The following SLC35F1 variants were observed in gnomAD, a reference collection of about 807,000 sequenced individuals.
SLC35F1 encodes the protein solute carrier family 35 member F1, also known as chromosome 6 open reading frame 169.
In SLC35F1, 14 loss-of-function variants were observed where a neutral mutation model predicts 48.7. The observed-to-expected ratio is 0.29, with a 90% confidence interval of 0.19 to 0.45. The LOEUF is 0.45. Among genes scored for constraint, SLC35F1 ranks in the 20% least tolerant of loss-of-function variants. SLC35F1 has a pLI of 1.00. For missense variants in SLC35F1, 404 were observed against 500.0 expected (o/e 0.81, Z 1.83); for synonymous variants, 190 against 202.2 (o/e 0.94, Z 0.51).
intron 7 of SLC35F1, among the ~76,000 whole-genome samples, chr6:118,306,629 A>G (rs1776314893): frequency 6.6e-6 from 1 of 152,230 alleles, no homozygotes; most frequent in Admixed American, 6.5e-5. Flanking sequence ...GGAAGGTGAC[A>G]TAAATGAGCC....
At chr6:118,309,194 TGTGTGTGTGC>T (rs1044309710) in intron 7 of SLC35F1, among the ~76,000 whole-genome samples, 4 of 102,256 alleles carry the variant, frequency 3.9e-5, no homozygotes, top group African/African-American at 6.7e-5. Flanking sequence ...TGTGTGTGTG[TGTGTGTGTGC>T]GTGTGTGTAT....
chr6:118,111,777 T>C (rs913626956), intron 1 of SLC35F1, among the ~76,000 whole-genome samples: 4 of 152,200 alleles, frequency 2.6e-5, no homozygotes, highest in African/African-American at 9.6e-5. Context: ...TTATGAATAA[T>C]TGAAATGAAT....
At chr6:118,230,588 A>G (rs756101703) in intron 2 of SLC35F1, among the ~76,000 whole-genome samples, 4 of 152,226 alleles carry the variant, frequency 2.6e-5, no homozygotes, top group Non-Finnish European at 5.9e-5. Flanking sequence ...AAACCTTCAC[A>G]TAAAATTTAA....
chr6:118,062,387 C>T (rs980676928), intron 1 of SLC35F1, among the ~76,000 whole-genome samples: 11 of 152,014 alleles, frequency 7.2e-5, no homozygotes, highest in African/African-American at 2.7e-4. Context: ...TTTGTGGCTA[C>T]ATAGTAGGTA....
chr6:118,051,928 C>T (rs925418998), intron 1 of SLC35F1, among the ~76,000 whole-genome samples: 1 of 152,118 alleles, frequency 6.6e-6, no homozygotes, highest in Non-Finnish European at 1.5e-5. Context: ...TGCATGGCCT[C>T]AATACCTTCC....
rs534874981 is a variant in SLC35F1 at position 118,038,122 on chromosome 6, TA to T, written c.174-116322del. On this transcript the variant is annotated intron_variant, in intron 1 of 7. Coordinates refer to ENST00000360388, the MANE Select transcript of SLC35F1 (RefSeq NM_001029858.4). ...AAGCCCTTCTGCTATCTTTTTATAT[TA>T]TGGTTGTCATATGAGTTATATCTAC... Among the ~76,000 whole-genome samples, 16 of 152,260 alleles carry T rather than the reference TA, an allele frequency of 1.1e-4. 1 individual carries two copies. The highest frequency in any genetic ancestry group is 4.1e-4 in the South Asian group (2 of 4,820).
chr6:118,186,824 T>A (rs1774663043), intron 2 of SLC35F1, among the ~76,000 whole-genome samples: 1 of 152,166 alleles, frequency 6.6e-6, no homozygotes. Flanking sequence ...AGGTACAGCT[T>A]TTCCTGTCTG....
intron 2 of SLC35F1, among the ~76,000 whole-genome samples, chr6:118,221,126 C>T (rs1273578940): frequency 2.0e-5 from 3 of 152,096 alleles, no homozygotes; most frequent in Non-Finnish European, 4.4e-5. Flanking sequence ...TTATTATCTA[C>T]CTAACTGAAG....
At chr6:117,944,340 T>C (rs1165043644) in intron 1 of SLC35F1, among the ~76,000 whole-genome samples, 1 of 151,812 alleles carries the variant, frequency 6.6e-6, no homozygotes, top group African/African-American at 2.4e-5. Context: ...GGAAGAATCA[T>C]CTCAGAGATC....
intron 1 of SLC35F1, among the ~76,000 whole-genome samples, chr6:118,066,348 G>A (rs964703407): frequency 1.3e-5 from 2 of 152,118 alleles, no homozygotes; most frequent in Non-Finnish European, 2.9e-5. Flanking sequence ...TGCTTTAAAT[G>A]CAAGTGGCAA....
chr6:118,146,149 T>C (rs1033635058), intron 1 of SLC35F1, among the ~76,000 whole-genome samples: 3 of 152,142 alleles, frequency 2.0e-5, no homozygotes, highest in Admixed American at 6.5e-5. Flanking sequence ...AATGCCTCAT[T>C]TGCAGAAAGA....
chr6:118,154,579 T>TTC lies in SLC35F1; in HGVS notation c.312_313dup (p.Phe105SerfsTer9). ...TTCCAGAGTTTCCTCAATTACATTC[T>TTC]TCTCTTCTTGGTCTATACCACCACA... On this transcript the variant is annotated frameshift_variant, in exon 2 of 8. Transcript: ENST00000360388. LOFTEE classifies it high-confidence loss of function. The TTC allele has an allele frequency of 6.2e-7, 1 of 1,614,036 alleles. No individual in the cohort carries two copies. Among genetic ancestry groups the TTC allele is most frequent in the Non-Finnish European group, 8.5e-7 (1 of 1,179,930 alleles).
At chr6:118,268,359 C>T (rs1775803871) in intron 4 of SLC35F1, among the ~76,000 whole-genome samples, 1 of 152,028 alleles carries the variant, frequency 6.6e-6, no homozygotes, top group African/African-American at 2.4e-5. Context: ...CTACACAACA[C>T]CATCAGTCCC....
chr6:118,280,819 C>T (rs939124336), intron 6 of SLC35F1, among the ~76,000 whole-genome samples: 3 of 151,076 alleles, frequency 2.0e-5, no homozygotes, highest in Admixed American at 6.6e-5. Flanking sequence ...TGCAGCGAGT[C>T]GGGATCACGC....
intron 3 of SLC35F1, among the ~76,000 whole-genome samples, chr6:118,244,060 G>A (rs1385453035): frequency 1.3e-5 from 2 of 152,180 alleles, no homozygotes; most frequent in African/African-American, 2.4e-5. Flanking sequence ...ATTTGGTTGG[G>A]TGCTGCACAG....
At chr6:118,149,834 A>C (rs1473963358) in intron 1 of SLC35F1, among the ~76,000 whole-genome samples, 1 of 152,202 alleles carries the variant, frequency 6.6e-6, no homozygotes, top group Non-Finnish European at 1.5e-5. Flanking sequence ...AAAGGCACAC[A>C]TTACAGATAT....
At chr6:117,987,308 T>C (rs1776860054) in intron 1 of SLC35F1, among the ~76,000 whole-genome samples, 1 of 147,620 alleles carries the variant, frequency 6.8e-6, no homozygotes, top group Non-Finnish European at 1.5e-5. Context: ...CTTTTTTTTT[T>C]CTTCCTTCTC....
intron 1 of SLC35F1, among the ~76,000 whole-genome samples, chr6:118,089,391 G>A (rs1316080045): frequency 6.6e-6 from 1 of 152,074 alleles, no homozygotes; most frequent in African/African-American, 2.4e-5. Flanking sequence ...AAAAGAACTG[G>A]GGCTGGGAGT....
At chr6:118,266,925 C>T (rs962744151) in intron 3 of SLC35F1, 70 bp from the exon 4 acceptor site, 2 of 1,562,314 alleles carry the variant, frequency 1.3e-6, no homozygotes, top group African/African-American at 1.4e-5. Context: ...AACTAAATTA[C>T]TTTTCCCTAC....
Sources: allele counts gnomAD v4.1 joint callset (sites outside exome capture counted in the v4.1 genomes callset), GRCh38; gene constraint gnomAD v4.1.1; transcripts MANE v1.5; gene names NCBI Gene and HGNC (gene_info 2026-07-23, HGNC 2026-07-21).